Variants in FGGY observed in about 807,000 individuals in gnomAD.
FGGY encodes the protein FGGY carbohydrate kinase domain containing, also known as FGGY carbohydrate kinase domain-containing protein.
In FGGY, 72 loss-of-function variants were observed where a neutral mutation model predicts 71.3. The ratio of observed to expected loss-of-function variants is 1.01; its 90% confidence interval spans 0.84 to 1.23. The LOEUF (loss-of-function observed/expected upper bound fraction) is 1.23, where lower values mean the gene tolerates loss of function less well. FGGY is among the 50% of genes most tolerant of loss of function. The pLI, the probability that FGGY is intolerant of heterozygous loss-of-function variation, is 0.00. For missense variants in FGGY, 668 were observed against 682.3 expected (o/e 0.98, Z 0.23); for synonymous variants, 251 against 250.3 (o/e 1.00, Z -0.02).
chr1:59,581,217 A>C (rs891200428), intron 8 of FGGY, among the ~76,000 whole-genome samples: 1 of 150,016 alleles, frequency 6.7e-6, no homozygotes, highest in African/African-American at 2.5e-5. Flanking sequence ...CAGATGAACA[A>C]ATGCTTTTTC....
At chr1:59,541,850 A>T (rs1377040325) in intron 7 of FGGY, among the ~76,000 whole-genome samples, 1 of 152,200 alleles carries the variant, frequency 6.6e-6, no homozygotes, top group Non-Finnish European at 1.5e-5. Context: ...CCATGCTGTC[A>T]CCTACTGTCT....
chr1:59,319,822 A>C (rs1298931370), intron 1 of FGGY, among the ~76,000 whole-genome samples: 2 of 152,110 alleles, frequency 1.3e-5, no homozygotes, highest in Admixed American at 1.3e-4. Flanking sequence ...TCACAGCTCA[A>C]AGCTGGTGGT....
chr1:59,492,283 T>C (rs2093889722), intron 6 of FGGY, among the ~76,000 whole-genome samples: 2 of 152,154 alleles, frequency 1.3e-5, no homozygotes, highest in Admixed American at 1.3e-4. Context: ...TTAGGGGCTC[T>C]CTTCAGATGA....
intron 14 of FGGY, among the ~76,000 whole-genome samples, chr1:59,708,569 T>C (rs535601332): frequency 1.3e-5 from 2 of 152,334 alleles, no homozygotes; most frequent in South Asian, 4.1e-4. Flanking sequence ...CATGCTGAAC[T>C]CTAATTATAT....
At chr1:59,658,537 A>T (rs2097243465) in intron 11 of FGGY, among the ~76,000 whole-genome samples, 1 of 152,240 alleles carries the variant, frequency 6.6e-6, no homozygotes, top group Admixed American at 6.5e-5. Flanking sequence ...AATTCAGCAT[A>T]GCTGGAGCAT....
intron 11 of FGGY, among the ~76,000 whole-genome samples, chr1:59,654,616 C>T (rs1451735978): frequency 6.6e-6 from 1 of 152,112 alleles, no homozygotes; most frequent in Non-Finnish European, 1.5e-5. Context: ...ATTGCTAATA[C>T]ATTTATTAAT....
intron 7 of FGGY, among the ~76,000 whole-genome samples, chr1:59,537,526 C>A (rs1192503674): frequency 6.6e-6 from 1 of 152,158 alleles, no homozygotes; most frequent in Non-Finnish European, 1.5e-5. Context: ...CCAAAAAGAG[C>A]CCGCATCACC....
At chr1:59,698,608 C>A in intron 14 of FGGY, 1 of 204,874 alleles carries the variant, frequency 4.9e-6, no homozygotes. Flanking sequence ...TGAAGTTGGG[C>A]GTCTCTCTTT....
chr1:59,540,535 G>A (rs1328190579), intron 7 of FGGY, among the ~76,000 whole-genome samples: 5 of 152,186 alleles, frequency 3.3e-5, no homozygotes, highest in African/African-American at 1.2e-4. Context: ...CATCTGGACA[G>A]TGGTTATCTC....
chr1:59,712,437 G>T (rs1166605525), intron 14 of FGGY, among the ~76,000 whole-genome samples: 1 of 152,158 alleles, frequency 6.6e-6, no homozygotes, highest in African/African-American at 2.4e-5. Context: ...CCACTAGGCG[G>T]TACCCCAGTA....
intron 14 of FGGY, among the ~76,000 whole-genome samples, chr1:59,703,045 T>C (rs1183233246): frequency 2.0e-5 from 3 of 152,326 alleles, no homozygotes; most frequent in Admixed American, 2.0e-4. Context: ...TGTTGCCTTT[T>C]CTTATACTCC....
intron 14 of FGGY, among the ~76,000 whole-genome samples, chr1:59,685,173 A>C (rs942293021): frequency 6.6e-6 from 1 of 152,126 alleles, no homozygotes; most frequent in South Asian, 2.1e-4. Context: ...CATGCTAGAA[A>C]TAGGGTAGAC....
At chr1:59,668,546 C>T (rs748289881) in intron 13 of FGGY, among the ~76,000 whole-genome samples, 5 of 152,194 alleles carry the variant, frequency 3.3e-5, no homozygotes, top group Non-Finnish European at 7.3e-5. Flanking sequence ...CCCTCTAAGC[C>T]ACACAGATTC....
intron 6 of FGGY, among the ~76,000 whole-genome samples, chr1:59,511,835 T>A (rs2094525987): frequency 6.6e-6 from 1 of 152,242 alleles, no homozygotes; most frequent in South Asian, 2.1e-4. Context: ...CTTTTTCCTC[T>A]TATCCTCTGC....
At chr1:59,613,926 T>C (rs1294671640) in intron 9 of FGGY, among the ~76,000 whole-genome samples, 3 of 151,290 alleles carry the variant, frequency 2.0e-5, no homozygotes, top group African/African-American at 7.3e-5. Context: ...TGGACACATA[T>C]ACCCTCCCAA....
intron 6 of FGGY, among the ~76,000 whole-genome samples, chr1:59,482,600 GTATA>G (rs1289753356): frequency 3.4e-5 from 5 of 145,570 alleles, no homozygotes; most frequent in African/African-American, 1.3e-4. Flanking sequence ...GTCTGTGTGT[GTATA>G]TATACATATG....
intron 8 of FGGY, among the ~76,000 whole-genome samples, chr1:59,587,547 C>T (rs1009416613): frequency 7.9e-5 from 12 of 152,178 alleles, no homozygotes; most frequent in Non-Finnish European, 2.9e-5. Flanking sequence ...AGGCACCCCC[C>T]AGTAGGGGCA....
chr1:59,505,238 G>A (rs986353445), intron 6 of FGGY, among the ~76,000 whole-genome samples: 6 of 152,256 alleles, frequency 3.9e-5, no homozygotes, highest in Middle Eastern at 3.4e-3. Flanking sequence ...GAATAGTGTC[G>A]ACTAGAAAGT....
intron 8 of FGGY, among the ~76,000 whole-genome samples, chr1:59,594,837 T>C (rs912662928): frequency 1.3e-5 from 2 of 152,204 alleles, no homozygotes; most frequent in African/African-American, 4.8e-5. Flanking sequence ...GACAGTTTCA[T>C]TTTATCTTGT....
Sources: gnomAD v4.1 joint callset for allele counts (sites outside exome capture counted in the v4.1 genomes callset) on GRCh38, gnomAD v4.1.1 for gene constraint, MANE v1.5 for transcripts, NCBI Gene and HGNC (gene_info 2026-07-23, HGNC 2026-07-21) for gene names.